EPB41L2: variants seen among roughly 807,000 people sequenced by gnomAD.
The protein encoded by EPB41L2 is erythrocyte membrane protein band 4.1 like 2.
In EPB41L2, 43 loss-of-function variants were observed where a neutral mutation model predicts 113.0. The ratio of observed to expected loss-of-function variants is 0.38; its 90% CI spans 0.30 to 0.49. EPB41L2 has a LOEUF of 0.49. EPB41L2 is among the 20% of genes least tolerant of loss of function. EPB41L2 has a pLI of 0.95. For synonymous variants in EPB41L2, 442 were observed against 436.7 expected (o/e 1.01, Z -0.15); for missense variants, 1,147 against 1,223.4 (o/e 0.94, Z 0.93).
intron 1 of EPB41L2, among the ~76,000 whole-genome samples, chr6:130,996,181 G>A (rs920736727): frequency 2.0e-5 from 3 of 152,176 alleles, no homozygotes; most frequent in Admixed American, 1.3e-4. Context: ...AAAGTTTACT[G>A]TAACAGGATC....
At chr6:131,009,813 A>G (rs1003847010) in intron 1 of EPB41L2, among the ~76,000 whole-genome samples, 2 of 152,222 alleles carry the variant, frequency 1.3e-5, no homozygotes, top group Non-Finnish European at 2.9e-5. Flanking sequence ...CCCTTTTATG[A>G]AAATGTTTGG....
At chr6:130,972,699 A>G (rs536104304) in intron 1 of EPB41L2, among the ~76,000 whole-genome samples, 1 of 152,128 alleles carries the variant, frequency 6.6e-6, no homozygotes, top group South Asian at 2.1e-4. Context: ...CACCTACAGC[A>G]AAGTCTTTAA....
At chr6:130,986,186 T>C (rs765072650) in intron 1 of EPB41L2, among the ~76,000 whole-genome samples, 16 of 152,074 alleles carry the variant, frequency 1.1e-4, no homozygotes, top group Non-Finnish European at 2.2e-4. Flanking sequence ...CAATAAACCA[T>C]ATTAATAGAA....
At chr6:130,902,379 A>T (rs1473412184) in intron 6 of EPB41L2, among the ~76,000 whole-genome samples, 4 of 152,218 alleles carry the variant, frequency 2.6e-5, no homozygotes. Context: ...TTACCACCCA[A>T]ATACATCATC....
intron 1 of EPB41L2, among the ~76,000 whole-genome samples, chr6:131,042,667 G>C (rs1173825711): frequency 7.3e-6 from 1 of 136,748 alleles, no homozygotes; most frequent in African/African-American, 2.5e-5. Flanking sequence ...GGAAGAAGAG[G>C]GGGAAAAAAA....
At position 131,014,494 on chromosome 6, in the gene EPB41L2, C is replaced by T. The variant is rs149917498; in HGVS notation, c.-15+48661G>A. On this transcript the variant is annotated intron_variant, in intron 1 of 19. Transcript: ENST00000337057. ...TCACAAAATGAAGCTGGATACTACC[C>T]TGTCCTGGGAGAGTTGAATGCCAAA... Among the ~76,000 whole-genome samples the T allele has an allele frequency of 4.0e-3, 616 of 152,308 alleles. 6 individuals are homozygous for T. Among genetic ancestry groups the T allele is most frequent in the Middle Eastern group, 0.024 (7 of 292 alleles).
chr6:130,875,400 G>A (rs1262465113), intron 14 of EPB41L2, among the ~76,000 whole-genome samples: 1 of 152,092 alleles, frequency 6.6e-6, no homozygotes, highest in African/African-American at 2.4e-5. Context: ...TGTTAGCATG[G>A]CCTTTAAGAT....
chr6:130,864,449 C>T (rs529273372), intron 17 of EPB41L2, among the ~76,000 whole-genome samples: 30 of 152,248 alleles, frequency 2.0e-4, no homozygotes, highest in Admixed American at 5.9e-4. Context: ...AGGCTGCGAG[C>T]GGGGCTGGAG....
intron 1 of EPB41L2, among the ~76,000 whole-genome samples, chr6:130,979,617 G>A (rs893861244): frequency 1.3e-5 from 2 of 151,790 alleles, no homozygotes; most frequent in African/African-American, 2.4e-5. Context: ...TGGATAAAAT[G>A]AATGGGACTT....
chr6:131,053,791 A>C (rs145951806), intron 1 of EPB41L2, among the ~76,000 whole-genome samples: 132 of 152,356 alleles, frequency 8.7e-4, no homozygotes, highest in Middle Eastern at 3.4e-3. Context: ...TGGTATACTG[A>C]GTTGATCATA....
Position 131,054,179 on chromosome 6 carries a change from C to T in EPB41L2, c.-15+8976G>A, listed in dbSNP as rs535038758. Among the ~76,000 whole-genome samples the T allele has an allele frequency of 3.9e-5, 6 of 152,336 alleles. No homozygotes were observed. The South Asian group carries it at 6.2e-4, about 16-fold the overall frequency. The stretch of plus-strand genomic sequence containing the variant: ...TCTCTCCAGTCTTCCATTCCATGGT[C>T]GCACACACCTTGAGGGCACCCACAC... On this transcript the variant is annotated intron_variant, in intron 1 of 19. Transcript: ENST00000337057.
chr6:131,050,652 C>A (rs993743102), intron 1 of EPB41L2, among the ~76,000 whole-genome samples: 1 of 152,204 alleles, frequency 6.6e-6, no homozygotes, highest in Non-Finnish European at 1.5e-5. Context: ...TAATGTAAAT[C>A]CCTAATTATG....
intron 1 of EPB41L2, among the ~76,000 whole-genome samples, chr6:130,969,142 A>T (rs1398089864): frequency 1.3e-5 from 2 of 152,128 alleles, no homozygotes; most frequent in Non-Finnish European, 2.9e-5. Context: ...CATCAGCATC[A>T]CCTCAACAGT....
chr6:131,052,787 G>C (rs1461264827), intron 1 of EPB41L2, among the ~76,000 whole-genome samples: 2 of 152,058 alleles, frequency 1.3e-5, no homozygotes, highest in African/African-American at 4.8e-5. Context: ...GGAGTAAGCA[G>C]ACCTCAGCAA....
chr6:130,866,605 C>T lies in EPB41L2; in HGVS notation c.2730+854G>A, dbSNP rs1044698617. Among the ~76,000 whole-genome samples, 9 of 152,218 alleles carry T rather than the reference C, an allele frequency of 5.9e-5. No individual in the cohort carries two copies. The East Asian group carries it at 7.7e-4, about 13-fold the overall frequency. On this transcript the variant is annotated intron_variant, in intron 16 of 19. Transcript: ENST00000337057. ...AGGATGCCATATCCAAAATAATTTT[C>T]AGATGTGTTTCACACATGCATGCAT...
intron 1 of EPB41L2, among the ~76,000 whole-genome samples, chr6:130,986,861 C>A (rs1383868303): frequency 1.3e-5 from 2 of 152,110 alleles, no homozygotes; most frequent in Non-Finnish European, 2.9e-5. Flanking sequence ...TGATTTTGAT[C>A]TCATTAAAGA....
chr6:130,888,269 G>A (rs560956540), intron 11 of EPB41L2, among the ~76,000 whole-genome samples: 8 of 152,220 alleles, frequency 5.3e-5, no homozygotes, highest in Admixed American at 2.0e-4. Context: ...ATGTATTGGC[G>A]TTAAAAGCCT....
intron 13 of EPB41L2, 89 bp from the exon 14 acceptor site, chr6:130,878,339 C>T (rs1788213778): frequency 7.3e-7 from 1 of 1,374,966 alleles, no homozygotes; most frequent in Non-Finnish European, 9.7e-7. Context: ...TAAGACAAAG[C>T]AAACTTACGA....
At chr6:130,878,438 A>C in intron 13 of EPB41L2, 188 bp from the exon 14 acceptor site, 1 of 565,434 alleles carries the variant, frequency 1.8e-6, no homozygotes, top group South Asian at 2.8e-5. Flanking sequence ...ATTCATCAAA[A>C]TTTGAAAATA....
Sources: gnomAD v4.1 joint callset for allele counts (sites outside exome capture counted in the v4.1 genomes callset) on GRCh38, gnomAD v4.1.1 for gene constraint, MANE v1.5 for transcripts, NCBI Gene and HGNC (gene_info 2026-07-23, HGNC 2026-07-21) for gene names.